WIZ: variants seen among roughly 807,000 people sequenced by gnomAD.
WIZ encodes WIZ zinc finger.
A neutral mutation model predicts 140.2 loss-of-function variants in WIZ; 25 were observed. The ratio of observed to expected loss-of-function variants is 0.18; its 90% CI spans 0.13 to 0.25. The LOEUF (loss-of-function observed/expected upper bound fraction) is 0.25, where lower values mean the gene tolerates loss of function less well. Among genes scored for constraint, WIZ ranks in the 10% least tolerant of loss-of-function variants. The pLI, the probability that WIZ is intolerant of heterozygous loss-of-function variation, is 1.00. For missense variants in WIZ, 2,231 were observed against 2,632.6 expected, an observed-to-expected ratio of 0.85 and a Z score of 3.34; for synonymous variants, 1,125 against 1,154.3, an observed-to-expected ratio of 0.97 and a Z score of 0.51.
chr19:15,448,515 T>C, intron 1 of WIZ, 148 bp from the exon 2 acceptor site: 2 of 632,728 alleles, frequency 3.2e-6, no homozygotes, highest in East Asian at 5.6e-5. Flanking sequence ...GTTCAGACCT[T>C]TTCCACACAC....
At chr19:15,444,299 G>A (rs1409769009) in intron 2 of WIZ, among the ~76,000 whole-genome samples, 1 of 152,170 alleles carries the variant, frequency 6.6e-6, no homozygotes, top group South Asian at 2.1e-4. Context: ...CACTGGCTGA[G>A]GGTCCTTCTT....
Position 15,424,375 on chromosome 19 carries a change from A to T in WIZ, c.5318T>A (p.Phe1773Tyr). 6.2e-7 allele frequency: 1 copy of T among 1,600,866 alleles called. No individual in the cohort carries two copies. Among genetic ancestry groups the T allele is most frequent in the Non-Finnish European group, 8.5e-7 (1 of 1,176,460 alleles). Residue 1773 changes from phenylalanine (F) to tyrosine (Y), a missense_variant, in exon 12 of 13, where the codon TTT becomes TAT. Physicochemically the swap from Phe to Tyr is conservative, Grantham distance 22. Around this residue, in one of 15 missense-constraint regions of WIZ, gnomAD observed 299 missense variants for 309.6 expected, o/e 0.97. Transcript: ENST00000673675. This position sits in a 1 kb window ranked among gnomAD's most constrained non-coding sequence, Gnocchi z 9.7. The stretch of plus-strand genomic sequence containing the variant: ...TGGAGGGCGGGCTTGTCGGCGTTCA[A>T]ATTCTAAGGTGGAGAGGGGGACGGG... ...EEHQRQNINK[F>Y]ERRQARPPDA...
rs1277954942 is a variant in WIZ, at chr19:15,420,336, G to A, written c.*2740C>T. On this transcript the variant is annotated 3_prime_UTR_variant, in exon 13 of 13. Transcript: ENST00000673675. ...GCTTCTGCAGAACTTGCTGCCATAC[G>A]GAACAAAGCCACTTCTGATGTGTTA... is the stretch of plus-strand genomic sequence containing the variant. 10 of 152,276 alleles carry A rather than the reference G, an allele frequency of 6.6e-5. No individual in the cohort carries two copies. Among genetic ancestry groups the A allele is most frequent in the South Asian group, 2.1e-4 (1 of 4,822 alleles). 9.4% of individuals were successfully genotyped at this position (152,276 alleles called of 1,614,324 possible). A position where few individuals can be genotyped will look rare whatever the true frequency, so the allele number is the denominator to read the frequency against.
In WIZ at chr19:15,424,418, G is replaced by T; in HGVS notation, c.5315-40C>A. 6.3e-7 allele frequency: 1 copy of T among 1,584,898 alleles called. No individual in the cohort carries two copies. The highest frequency in any genetic ancestry group is 2.3e-4 in the Middle Eastern group (1 of 4,380). On this transcript the variant is annotated intron_variant, in intron 11 of 12. Transcript: ENST00000673675. The surrounding 1 kb of genome is among the most constrained non-coding windows in gnomAD (Gnocchi z 9.7). Reference sequence around the variant, plus strand: ...GGGACGGGAGATGAGTGGGAGGGGTGGATGCTGCAGAGACTTGGAATACAC... The same window carrying T: ...GGGACGGGAGATGAGTGGGAGGGGTTGATGCTGCAGAGACTTGGAATACAC...
chr19:15,440,624 G>A lies in WIZ; in HGVS notation c.370C>T (p.Pro124Ser), dbSNP rs1248480876. 6.5e-6 allele frequency: 10 copies of A among 1,532,764 alleles called. No individual in the cohort carries two copies. The highest frequency in any genetic ancestry group is 1.4e-5 in the African/African-American group (1 of 72,958). 94.9% of individuals were successfully genotyped at this position (1,532,764 alleles called of 1,614,324 possible). Residue 124 changes from proline to serine, a missense_variant, in exon 4 of 13, where the codon CCC (proline) becomes TCC (serine). This residue lies in a region of WIZ where 307 missense variants were observed against 294.1 expected (regional missense o/e 1.04). Transcript: ENST00000673675. This position sits in a 1 kb window ranked among gnomAD's most constrained non-coding sequence, Gnocchi z 6.2. ...TCCTGGACAAGGGGGTGCTCCCAGG[G>A]CCCCCGGCCATCAGGGGTACCTGGG... ...HFPGTPDGRG[P>S]WEHPLVQEAG...
At position 15,436,993 on chromosome 19, in the gene WIZ, A is replaced by G; in HGVS notation, c.2553T>C (p.Thr851=). The G allele has an allele frequency of 6.2e-7, 1 of 1,613,822 alleles. No homozygotes were observed. The highest frequency in any genetic ancestry group is 1.1e-5 in the South Asian group (1 of 91,042). Residue 851 remains threonine, a synonymous_variant, in exon 5 of 13, where the codon ACT becomes ACC. Transcript: ENST00000673675. ...RDFGITNWEL[T]VSPINILQEL... is the part of the protein sequence containing the mutation. ...CCTGCAGGATGTTGATGGGTGAGAC[A>G]GTGAGCTCCCAGTTGGTGATACCGA...
At chr19:15,430,388 G>T (rs1482911708) in intron 6 of WIZ, among the ~76,000 whole-genome samples, 1 of 152,186 alleles carries the variant, frequency 6.6e-6, no homozygotes, top group Non-Finnish European at 1.5e-5. Context: ...TCAGGCCTAC[G>T]GGGTGCCCTG....
intron 5 of WIZ, among the ~76,000 whole-genome samples, chr19:15,436,219 T>C (rs1969511706): frequency 6.6e-6 from 1 of 152,246 alleles, no homozygotes; most frequent in Non-Finnish European, 1.5e-5. Flanking sequence ...CAGCCATACA[T>C]GACCAATGGT....
rs1365021765 is a variant in WIZ, at chr19:15,431,159, T to C, written c.2764A>G (p.Met922Val). 2.0e-6 allele frequency: 3 copies of C among 1,531,050 alleles called. No homozygotes were observed. Among genetic ancestry groups the C allele is most frequent in the East Asian group, 2.5e-5 (1 of 40,650 alleles). 94.8% of individuals were successfully genotyped at this position (1,531,050 alleles called of 1,614,324 possible). Residue 922 changes from methionine to valine, a missense_variant, in exon 6 of 13, where the codon ATG becomes GTG. Met to Val is a conservative substitution (Grantham distance 21, BLOSUM62 1). Around this residue, in one of 15 missense-constraint regions of WIZ, gnomAD observed 137 missense variants for 135.8 expected, o/e 1.01. Coordinates refer to ENST00000673675, the MANE Select transcript of WIZ (RefSeq NM_001371589.1). ...GDGLGSEENA[M>V]VAMDLGSPSL... ...GGAGAGCCCAAGTCCATGGCCACCA[T>C]TGCGTTTTCCTCAGAACCCAGGCCT...
At chr19:15,444,263 G>C (rs2145398873) in intron 2 of WIZ, among the ~76,000 whole-genome samples, 2 of 152,332 alleles carry the variant, frequency 1.3e-5, no homozygotes, top group Middle Eastern at 6.8e-3. Context: ...AGGGTGGGGA[G>C]AGGGTGTTGA....
In WIZ at chr19:15,439,898, C is replaced by A; in HGVS notation, c.1096G>T (p.Ala366Ser). 1 of 1,527,104 alleles carries A rather than the reference C, an allele frequency of 6.5e-7. No individual in the cohort carries two copies. Among genetic ancestry groups the A allele is most frequent in the Non-Finnish European group, 8.8e-7 (1 of 1,141,842 alleles). The allele number at this position is 1,527,104 out of a possible 1,614,324, so 94.6% of individuals were successfully genotyped here. The part of the protein sequence containing the change: ...ECGWAFADPT[A>S]LEQHRQLHQA... ...TGCAGCTGCCGGTGCTGCTCCAGGG[C>A]AGTGGGGTCAGCAAAGGCCCAGCCA... Residue 366 changes from alanine to serine, a missense_variant, in exon 4 of 13, where the codon GCC becomes TCC. Ala to Ser is a moderately conservative substitution (Grantham distance 99). Coordinates refer to ENST00000673675, the MANE Select transcript of WIZ (RefSeq NM_001371589.1). The surrounding 1 kb of genome is among the most constrained non-coding windows in gnomAD (Gnocchi z 7.0).
At chr19:15,444,101 C>T (rs181175782) in intron 2 of WIZ, among the ~76,000 whole-genome samples, 5 of 152,278 alleles carry the variant, frequency 3.3e-5, no homozygotes, top group African/African-American at 1.2e-4. Context: ...GTCCAGAGCC[C>T]GACAGATGCA....
In WIZ at chr19:15,439,545, C is replaced by T; in HGVS notation, c.1449G>A (p.Val483=). Residue 483 remains valine, a synonymous_variant, in exon 4 of 13, where the codon GTG becomes GTA. Coordinates refer to ENST00000673675, the MANE Select transcript of WIZ (RefSeq NM_001371589.1). The surrounding 1 kb of genome is among the most constrained non-coding windows in gnomAD (Gnocchi z 7.0). ...AGTGGGGATGGGCATGCACCAGCCT[C>T]ACGTGCTCCCTGAGCAGGCTCTCGC... is the stretch of plus-strand genomic sequence containing the variant. ...APSESLLREH[V]RLVHAHPHWE... 1 of 1,517,326 alleles carries T rather than the reference C, an allele frequency of 6.6e-7. No individual in the cohort carries two copies. The highest frequency in any genetic ancestry group is 8.8e-7 in the Non-Finnish European group (1 of 1,137,092). The allele number at this position is 1,517,326 out of a possible 1,614,324, so 94.0% of individuals were successfully genotyped here. A position where few individuals can be genotyped will look rare whatever the true frequency, so the allele number is the denominator to read the frequency against.
chr19:15,444,275 C>A (rs1599712539), intron 2 of WIZ, among the ~76,000 whole-genome samples: 2 of 152,170 alleles, frequency 1.3e-5, no homozygotes, highest in East Asian at 3.9e-4. Flanking sequence ...GGGTGTTGAC[C>A]AGAAAGGTGT....
At chr19:15,441,859 C>T (rs879904162) in intron 3 of WIZ, among the ~76,000 whole-genome samples, 17 of 152,148 alleles carry the variant, frequency 1.1e-4, no homozygotes, top group Non-Finnish European at 2.2e-4. Flanking sequence ...AATATTCTTG[C>T]TCATTCTGAG....
At chr19:15,433,213 C>G (rs893526740) in intron 5 of WIZ, 41 of 977,698 alleles carry the variant, frequency 4.2e-5, no homozygotes, top group Non-Finnish European at 5.0e-5. Context: ...GTTATCCAAC[C>G]GTCCCCCGAC....
chr19:15,423,581 C>T (rs915064494), intron 12 of WIZ, among the ~76,000 whole-genome samples: 7 of 152,138 alleles, frequency 4.6e-5, no homozygotes, highest in Admixed American at 4.6e-4. Context: ...GCACCAAGCC[C>T]CCCACCTCCT....
intron 2 of WIZ, among the ~76,000 whole-genome samples, chr19:15,443,691 T>A (rs1969821095): frequency 6.6e-6 from 1 of 152,150 alleles, no homozygotes; most frequent in Non-Finnish European, 1.5e-5. Context: ...GCTTGCTGGG[T>A]CCCCTACTAG....
At position 15,428,250 on chromosome 19, in the gene WIZ, A is replaced by G. The variant is rs1968983724; in HGVS notation, c.3674T>C (p.Leu1225Pro). 8 of 1,530,294 alleles carry G rather than the reference A, an allele frequency of 5.2e-6. No individual in the cohort carries two copies. The East Asian group carries it at 1.7e-4, about 33-fold the overall frequency. 94.8% of individuals were successfully genotyped at this position (1,530,294 alleles called of 1,614,324 possible). A position where few individuals can be genotyped will look rare whatever the true frequency, so the allele number is the denominator to read the frequency against. Residue 1225 changes from leucine (L) to proline (P), a missense_variant, in exon 8 of 13, where the codon CTT becomes CCT. Leu to Pro is a moderately conservative substitution (Grantham distance 98). Transcript: ENST00000673675. This position sits in a 1 kb window ranked among gnomAD's most constrained non-coding sequence, Gnocchi z 6.4. ...CTTCTTGGCCGGCGGTGGGGGGGGAAGCAAGGAGAGGGCCGCGGAGGTGGG... is the reference window on the plus strand; with the variant it reads ...CTTCTTGGCCGGCGGTGGGGGGGGAGGCAAGGAGAGGGCCGCGGAGGTGGG... ...PPPTSAALSLLPPPPPAKKAK... is the reference protein window; with the variant it reads ...PPPTSAALSLPPPPPPAKKAK...
Sources: gnomAD v4.1 joint callset for allele counts (sites outside exome capture counted in the v4.1 genomes callset) on GRCh38, gnomAD v4.1.1 for gene constraint, gnomAD v4.1.1 regional missense constraint, Gnocchi (gnomAD v3.1) non-coding constraint, MANE v1.5 for transcripts, NCBI Gene and HGNC (gene_info 2026-07-23, HGNC 2026-07-21) for gene names.